Variants in MMAB observed in about 807,000 individuals in gnomAD.
The protein encoded by MMAB is metabolism of cobalamin associated B, also known as corrinoid adenosyltransferase MMAB.
Under a neutral mutation model 30.6 loss-of-function variants are expected in MMAB, and 17 were observed. The observed-to-expected ratio is 0.56, with a 90% CI of 0.38 to 0.83. The LOEUF (loss-of-function observed/expected upper bound fraction) is 0.83, where lower values mean the gene tolerates loss of function less well. Ranked by LOEUF, MMAB falls within the 40% of genes least tolerant of loss-of-function variation. MMAB has a pLI of 0.00. For synonymous variants in MMAB, 134 were observed against 138.6 expected, an observed-to-expected ratio of 0.97 and a Z score of 0.23; for missense variants, 311 against 331.6, an observed-to-expected ratio of 0.94 and a Z score of 0.48.
At chr12:109,564,016 A>G (rs962974238) in intron 4 of MMAB, among the ~76,000 whole-genome samples, 2 of 152,214 alleles carry the variant, frequency 1.3e-5, no homozygotes, top group African/African-American at 2.4e-5. Context: ...ACTGTGACGC[A>G]TGAGTCCCAC....
chr12:109,569,031 C>T lies in MMAB; in HGVS notation c.197-168G>A, dbSNP rs987587484. ...CGTGATCTTGGCTCACTGCAGCCTC[C>T]CCCTCCCAGGTTCAAGTGATTCTCA... On this transcript the variant is annotated intron_variant, in intron 2 of 8. Transcript: ENST00000545712. The surrounding 1 kb of genome is among the most constrained non-coding windows in gnomAD (Gnocchi z 4.1). 1.3e-5 allele frequency among the ~76,000 whole-genome samples: 2 copies of T among 152,142 alleles called. No homozygotes were observed. The highest frequency in any genetic ancestry group is 2.4e-5 in the African/African-American group (1 of 41,502).
chr12:109,559,858 C>A (rs1231203241), intron 7 of MMAB, among the ~76,000 whole-genome samples: 1 of 152,226 alleles, frequency 6.6e-6, no homozygotes, highest in African/African-American at 2.4e-5. Flanking sequence ...GCACCCAGGC[C>A]TGTCACAGAG....
At chr12:109,566,296 C>T (rs1884426102) in intron 3 of MMAB, among the ~76,000 whole-genome samples, 1 of 152,214 alleles carries the variant, frequency 6.6e-6, no homozygotes, top group Non-Finnish European at 1.5e-5. Flanking sequence ...TAAGGTCAGC[C>T]TCCCATGCAT....
In MMAB at chr12:109,554,702, G is replaced by C. The variant is rs1210681751; in HGVS notation, c.*2326C>G. On this transcript the variant is annotated 3_prime_UTR_variant, in exon 9 of 9. Transcript: ENST00000545712. ...CTTTTCCCACCTGGTTCAAAATATG[G>C]GAGGACATTTGCTCAGTGTACAGAG... The C allele has an allele frequency of 1.1e-5, 5 of 453,962 alleles. No homozygotes were observed. Among genetic ancestry groups the C allele is most frequent in the South Asian group, 7.8e-5 (5 of 64,476 alleles). The allele number at this position is 453,962 out of a possible 1,614,324, so 28.1% of individuals were successfully genotyped here.
chr12:109,568,692 G>T, intron 3 of MMAB, 78 bp downstream of exon 3: 1 of 1,121,532 alleles, frequency 8.9e-7, no homozygotes, highest in Non-Finnish European at 1.4e-6. Context: ...TGCCCAGCAT[G>T]CGTGAGAGCT....
At position 109,554,566 on chromosome 12, in the gene MMAB, C is replaced by T. The variant is rs1883896989; in HGVS notation, c.*2462G>A. On this transcript the variant is annotated 3_prime_UTR_variant, in exon 9 of 9. Coordinates refer to ENST00000545712, the MANE Select transcript of MMAB (RefSeq NM_052845.4). The stretch of plus-strand genomic sequence containing the variant: ...CAGGCTGCTGTTTGTTTCAAAACCC[C>T]GTGTTCCCGTGCAATGGGACTGATT... The T allele has an allele frequency of 1.5e-5, 7 of 453,996 alleles. No homozygotes were observed. Among genetic ancestry groups the T allele is most frequent in the South Asian group, 6.2e-5 (4 of 64,476 alleles). 28.1% of individuals were successfully genotyped at this position (453,996 alleles called of 1,614,324 possible). A position where few individuals can be genotyped will look rare whatever the true frequency, so the allele number is the denominator to read the frequency against.
At chr12:109,563,516 T>C (rs1306037586) in intron 4 of MMAB, among the ~76,000 whole-genome samples, 2 of 152,226 alleles carry the variant, frequency 1.3e-5, no homozygotes, top group Non-Finnish European at 2.9e-5. Context: ...GGGAGGTGGA[T>C]GGGTGAACAG....
At chr12:109,564,074 G>A (rs570933833) in intron 4 of MMAB, among the ~76,000 whole-genome samples, 244 of 152,298 alleles carry the variant, frequency 1.6e-3, no homozygotes, top group African/African-American at 5.6e-3. Flanking sequence ...CCTCTGCATC[G>A]GGCATGAGCG....
At chr12:109,560,482 GTAGA>G (rs995376017) in intron 7 of MMAB, among the ~76,000 whole-genome samples, 8 of 152,254 alleles carry the variant, frequency 5.3e-5, no homozygotes, top group East Asian at 1.9e-4. Flanking sequence ...TCTGAGTGGT[GTAGA>G]TAGAGACTTT....
In MMAB at chr12:109,558,269, T is replaced by C. The variant is rs7312275; in HGVS notation, c.644+827A>G. Among the ~76,000 whole-genome samples, 13,944 of 152,174 alleles carry C rather than the reference T, an allele frequency of 0.092. 1,513 individuals are homozygous for C. Among genetic ancestry groups the C allele is most frequent in the African/African-American group, 0.26 (10,819 of 41,478 alleles). On this transcript the variant is annotated intron_variant, in intron 8 of 8. Coordinates refer to ENST00000545712, the MANE Select transcript of MMAB (RefSeq NM_052845.4). This position sits in a 1 kb window ranked among gnomAD's most constrained non-coding sequence, Gnocchi z 4.3. ...AAATGGCCTGTCCCGTGCAATGCTA[T>C]GGGACCGCAGGGTTGCTGCTTTGAA...
Position 109,554,733 on chromosome 12 carries a change from C to T in MMAB, c.*2295G>A, listed in dbSNP as rs1444568906. 2.2e-6 allele frequency: 1 copy of T among 454,116 alleles called. No homozygotes were observed. The allele number at this position is 454,116 out of a possible 1,614,324, so 28.1% of individuals were successfully genotyped here. ...CATTTGCTCAGTGTACAGAGGGGTACACATCTTTTCTTTTGCCTCGGGCTC... is the reference window on the plus strand; with the variant it reads ...CATTTGCTCAGTGTACAGAGGGGTATACATCTTTTCTTTTGCCTCGGGCTC... On this transcript the variant is annotated 3_prime_UTR_variant, in exon 9 of 9. Transcript: ENST00000545712.
intron 7 of MMAB, 127 bp downstream of exon 7, chr12:109,560,913 C>G: frequency 1.1e-6 from 1 of 950,612 alleles, no homozygotes. Flanking sequence ...CTGTACCTGC[C>G]TCCTGCCCGC....
In MMAB at chr12:109,554,706, G is replaced by T. The variant is rs555435313; in HGVS notation, c.*2322C>A. ...TCCCACCTGGTTCAAAATATGGGAG[G>T]ACATTTGCTCAGTGTACAGAGGGGT... On this transcript the variant is annotated 3_prime_UTR_variant, in exon 9 of 9. Coordinates refer to ENST00000545712, the MANE Select transcript of MMAB (RefSeq NM_052845.4). 2.2e-6 allele frequency: 1 copy of T among 454,136 alleles called. No individual in the cohort carries two copies. The highest frequency in any genetic ancestry group is 6.9e-5 in the East Asian group (1 of 14,398). The allele number at this position is 454,136 out of a possible 1,614,324, so 28.1% of individuals were successfully genotyped here.
Position 109,558,366 on chromosome 12 carries a change from T to C in MMAB, c.644+730A>G, listed in dbSNP as rs1884056148. Among the ~76,000 whole-genome samples the C allele has an allele frequency of 6.6e-6, 1 of 152,042 alleles. No homozygotes were observed. Among genetic ancestry groups the C allele is most frequent in the Admixed American group, 6.5e-5 (1 of 15,268 alleles). On this transcript the variant is annotated intron_variant, in intron 8 of 8. Coordinates refer to ENST00000545712, the MANE Select transcript of MMAB (RefSeq NM_052845.4). This position sits in a 1 kb window ranked among gnomAD's most constrained non-coding sequence, Gnocchi z 4.3. ...AAGGAAAGGAGCTGCTCAGGACCCG[T>C]CAAAGCGCCATGTCTCTGGGAGGAG...
rs766597566 is a variant in MMAB at position 109,573,421 on chromosome 12, C to T, written c.60G>A (p.Gly20=). 2 of 1,610,050 alleles carry T rather than the reference C, an allele frequency of 1.2e-6. No homozygotes were observed. Among genetic ancestry groups the T allele is most frequent in the Non-Finnish European group, 1.7e-6 (2 of 1,179,212 alleles). Residue 20 remains glycine, a synonymous_variant, in exon 1 of 9, where the codon GGG becomes GGA. Coordinates refer to ENST00000545712, the MANE Select transcript of MMAB (RefSeq NM_052845.4). The part of the protein sequence containing the change: ...LGLGSRLGLR[G]CFGAARLLYP... ...ACAGGAGCCTGGCGGCGCCGAAGCA[C>T]CCGCGCAGGCCAAGACGGCTCCCCA... is the stretch of plus-strand genomic sequence containing the variant.
chr12:109,559,684 G>A (rs553046967), intron 7 of MMAB, among the ~76,000 whole-genome samples: 1 of 152,336 alleles, frequency 6.6e-6, no homozygotes, highest in African/African-American at 2.4e-5. Flanking sequence ...GACACTGGAC[G>A]GCCATCTGCT....
Position 109,554,215 on chromosome 12 carries a change from T to C in MMAB, c.*2813A>G. On this transcript the variant is annotated 3_prime_UTR_variant, in exon 9 of 9. Coordinates refer to ENST00000545712, the MANE Select transcript of MMAB (RefSeq NM_052845.4). Reference sequence around the variant, plus strand: ...CCAATGCCTCCTTCCAGGGCTGCTATGGGGTTCAAATGAGATAATGTCTGT... The same window carrying C: ...CCAATGCCTCCTTCCAGGGCTGCTACGGGGTTCAAATGAGATAATGTCTGT... The C allele has an allele frequency of 2.2e-6, 1 of 453,830 alleles. No homozygotes were observed. Among genetic ancestry groups the C allele is most frequent in the Non-Finnish European group, 4.4e-6 (1 of 226,590 alleles). 28.1% of individuals were successfully genotyped at this position (453,830 alleles called of 1,614,324 possible). A position where few individuals can be genotyped will look rare whatever the true frequency, so the allele number is the denominator to read the frequency against.
chr12:109,560,934 C>G, intron 7 of MMAB, 106 bp downstream of exon 7: 27 of 1,004,344 alleles, frequency 2.7e-5, no homozygotes, highest in Non-Finnish European at 3.9e-5. Flanking sequence ...TGTGCAGAGG[C>G]CCCTCTCCCT....
chr12:109,568,668 A>G, intron 3 of MMAB, 102 bp downstream of exon 3: 6 of 939,856 alleles, frequency 6.4e-6, no homozygotes, highest in South Asian at 2.6e-5. Flanking sequence ...AGGGCTGACA[A>G]CCTCCGAGGC....
Sources: allele counts gnomAD v4.1 joint callset (sites outside exome capture counted in the v4.1 genomes callset), GRCh38; gene constraint gnomAD v4.1.1; non-coding constraint Gnocchi (gnomAD v3.1); transcripts MANE v1.5; gene names NCBI Gene and HGNC (gene_info 2026-07-23, HGNC 2026-07-21).